Variants in AP1S2 observed in about 807,000 individuals in gnomAD.
The protein encoded by AP1S2 is adaptor related protein complex 1 subunit sigma 2.
AP1S2 carries 1 observed loss-of-function variant against 14.3 expected under a neutral mutation model. The observed-to-expected ratio is 0.07, with a 90% CI of 0.02 to 0.33. The LOEUF is 0.33. Ranked by LOEUF, AP1S2 falls within the 10% of genes least tolerant of loss-of-function variation. The pLI, the probability that AP1S2 is intolerant of heterozygous loss-of-function variation, is 0.99. For synonymous variants in AP1S2, 30 were observed against 40.5 expected (o/e 0.74, Z 0.99); for missense variants, 30 against 117.7 (o/e 0.25, Z 3.45).
Position 15,845,415 on chromosome X carries a change from G to A in AP1S2, c.390C>T (p.Val130=), listed in dbSNP as rs192291108. The stretch of plus-strand genomic sequence containing the variant: ...GATCAGCCTGCTCAATTGCTTTAAG[G>A]ACATTTTTCTTGGATGTTTCCTGAA... ...GEVQETSKKN[V]LKAIEQADLL... The change falls in exon 4 of 6, where the codon GTC becomes GTT. Residue 130 remains valine, a synonymous_variant. Transcript: ENST00000672987. 1 of 1,207,876 alleles carries A rather than the reference G, an allele frequency of 8.3e-7. No homozygotes were observed. The highest frequency in any genetic ancestry group is 1.8e-5 in the African/African-American group (1 of 56,787).
rs894376349 is a variant in AP1S2 at position 15,826,973 on chromosome X, C to T, written c.*352G>A. 2 of 138,138 alleles carry T rather than the reference C, an allele frequency of 1.4e-5. No individual in the cohort carries two copies. Among genetic ancestry groups the T allele is most frequent in the Non-Finnish European group, 1.4e-5 (1 of 70,869 alleles). The allele number at this position is 138,138 out of a possible 1,213,427, so 11.4% of individuals were successfully genotyped here. A position where few individuals can be genotyped will look rare whatever the true frequency, so the allele number is the denominator to read the frequency against. On this transcript the variant is annotated 3_prime_UTR_variant, in exon 6 of 6. Coordinates refer to ENST00000672987, the MANE Select transcript of AP1S2 (RefSeq NM_001272071.2). ...TTTCACATTATAATTTAAGAGTTTC[C>T]TTTGTCAAATACAGTAATTAATAAA... is the stretch of plus-strand genomic sequence containing the variant.
chrX:15,854,666 C>T, intron 1 of AP1S2, 22 bp downstream of exon 1: 1 of 682,381 alleles, frequency 1.5e-6, no homozygotes, highest in East Asian at 1.5e-4. Flanking sequence ...CCCGGCGCCC[C>T]CTTTCGCCCC....
chrX:15,845,019 T>C (rs978112412), intron 4 of AP1S2: 1 of 747,352 alleles, frequency 1.3e-6, no homozygotes, highest in African/African-American at 2.3e-5. Context: ...AAAAAGGGGG[T>C]TATCTTAAAC....
At position 15,854,597 on chromosome X, in the gene AP1S2, C is replaced by CGGGGCGCGCGCGGGGTGGCGG. The variant is rs1336277408; in HGVS notation, c.-1+70_-1+90dup. ...CCGGGCAGGCTCGGGGTGGGGTCGT[C>CGGGGCGCGCGCGGGGTGGCGG]GGGGCGCGCGCGGGGTGGCGGGGGG... On this transcript the variant is annotated intron_variant, in intron 1 of 5. Transcript: ENST00000672987. The CGGGGCGCGCGCGGGGTGGCGG allele has an allele frequency of 5.0e-5, 19 of 378,420 alleles. No individual in the cohort carries two copies. In the East Asian group the frequency reaches 6.3e-4, roughly 12 times the overall value. The allele number at this position is 378,420 out of a possible 1,213,427, so 31.2% of individuals were successfully genotyped here.
intron 4 of AP1S2, 72 bp downstream of exon 4, chrX:15,845,307 A>G: frequency 8.3e-7 from 1 of 1,199,149 alleles, no homozygotes; most frequent in Non-Finnish European, 1.1e-6. Context: ...TGAAACTGTA[A>G]GAATGATGAA....
intron 4 of AP1S2, among the ~76,000 whole-genome samples, chrX:15,834,481 A>ATATATAAT (rs1569080380): frequency 7.8e-3 from 102 of 13,002 alleles, no homozygotes; most frequent in Non-Finnish European, 9.3e-3. Context: ...TATATATATA[A>ATATATAAT]TTTTTTTTTT....
rs1167687431 is a variant in AP1S2, at chrX:15,826,512, G to A, written c.*813C>T. 1 of 111,517 alleles carries A rather than the reference G, an allele frequency of 9.0e-6. No individual in the cohort carries two copies. Among genetic ancestry groups the A allele is most frequent in the Non-Finnish European group, 1.9e-5 (1 of 53,072 alleles). 9.2% of individuals were successfully genotyped at this position (111,517 alleles called of 1,213,427 possible). On this transcript the variant is annotated 3_prime_UTR_variant, in exon 6 of 6. Transcript: ENST00000672987. ...CATAATACTGTGAAGAGAGCAACAC[G>A]TTTTTTGTAAGATACTGTTATGAAG...
At chrX:15,842,605 A>G (rs1363526051) in intron 4 of AP1S2, among the ~76,000 whole-genome samples, 1 of 112,808 alleles carries the variant, frequency 8.9e-6, no homozygotes, top group Non-Finnish European at 1.9e-5. Flanking sequence ...TCTAAAGACA[A>G]GGAACTGTAA....
chrX:15,839,198 A>G (rs1933748086), intron 4 of AP1S2, among the ~76,000 whole-genome samples: 1 of 112,310 alleles, frequency 8.9e-6, no homozygotes, highest in Admixed American at 9.4e-5. Context: ...TTACCTATAA[A>G]AAAACTAAAG....
chrX:15,844,816 C>T, intron 4 of AP1S2: 1 of 156,579 alleles, frequency 6.4e-6, no homozygotes, highest in Non-Finnish European at 1.1e-5. Flanking sequence ...TTAAGAAGAG[C>T]AAAGAGAAAT....
intron 4 of AP1S2, among the ~76,000 whole-genome samples, chrX:15,828,770 A>T (rs966731071): frequency 1.5e-5 from 1 of 66,070 alleles, no homozygotes; most frequent in Non-Finnish European, 3.2e-5. Context: ...ACCTCGTTTT[A>T]AAAAAAAAAA....
chrX:15,834,481 A>ATATATATATATAAT (rs1569080380), intron 4 of AP1S2, among the ~76,000 whole-genome samples: 23 of 12,998 alleles, frequency 1.8e-3, no homozygotes, highest in African/African-American at 7.1e-3. Flanking sequence ...TATATATATA[A>ATATATATATATAAT]TTTTTTTTTT....
At chrX:15,843,844 A>G (rs532262092) in intron 4 of AP1S2, among the ~76,000 whole-genome samples, 3 of 111,886 alleles carry the variant, frequency 2.7e-5, no homozygotes, top group Middle Eastern at 4.6e-3. Flanking sequence ...AACTTTAAAA[A>G]CCAATTTTAC....
At chrX:15,839,210 A>G (rs995615828) in intron 4 of AP1S2, among the ~76,000 whole-genome samples, 2 of 112,214 alleles carry the variant, frequency 1.8e-5, no homozygotes, top group African/African-American at 6.5e-5. Context: ...AAACTAAAGT[A>G]CGCTGGCAAT....
chrX:15,849,381 C>T (rs1222648243), intron 2 of AP1S2, among the ~76,000 whole-genome samples: 1 of 112,587 alleles, frequency 8.9e-6, no homozygotes, highest in African/African-American at 3.2e-5. Context: ...AAAAGCTCTT[C>T]GCTTCCAGCA....
At chrX:15,838,404 T>G (rs1341954832) in intron 4 of AP1S2, among the ~76,000 whole-genome samples, 1 of 110,581 alleles carries the variant, frequency 9.0e-6, no homozygotes, top group Non-Finnish European at 1.9e-5. Flanking sequence ...TTTTTATTTT[T>G]AAAAAAAGGC....
At chrX:15,843,453 G>A (rs1251516393) in intron 4 of AP1S2, among the ~76,000 whole-genome samples, 8 of 111,659 alleles carry the variant, frequency 7.2e-5, no homozygotes, top group Non-Finnish European at 1.5e-4. Context: ...TACTCGGGAG[G>A]CTGAGGCAGG....
At chrX:15,844,391 A>C (rs192306158) in intron 4 of AP1S2, among the ~76,000 whole-genome samples, 1 of 112,859 alleles carries the variant, frequency 8.9e-6, no homozygotes, top group East Asian at 2.8e-4. Flanking sequence ...GACTAAAATA[A>C]ACTGGAAATA....
In AP1S2 at chrX:15,828,073, A is replaced by T; in HGVS notation, c.435+119T>A. The stretch of plus-strand genomic sequence containing the variant: ...GGCTGATTTTGCAAATCACAAAATA[A>T]AGGACCAAGGAGGCCAACTTTCAGG... On this transcript the variant is annotated intron_variant, in intron 5 of 5. Coordinates refer to ENST00000672987, the MANE Select transcript of AP1S2 (RefSeq NM_001272071.2). The T allele has an allele frequency of 6.5e-6, 3 of 460,886 alleles. No homozygotes were observed. In the South Asian group the frequency reaches 1.5e-4, roughly 23 times the overall value. The allele number at this position is 460,886 out of a possible 1,213,427, so 38.0% of individuals were successfully genotyped here.
Sources: allele counts gnomAD v4.1 joint callset (sites outside exome capture counted in the v4.1 genomes callset), GRCh38; gene constraint gnomAD v4.1.1; transcripts MANE v1.5; gene names NCBI Gene and HGNC (gene_info 2026-07-23, HGNC 2026-07-21).